The following SRGAP2 variants were observed in gnomAD, a reference collection of about 807,000 sequenced individuals.
The protein encoded by SRGAP2 is SLIT-ROBO Rho GTPase-activating protein 2.
Under a neutral mutation model 57.2 loss-of-function variants are expected in SRGAP2, and 15 were observed. That is an observed-to-expected ratio of 0.26 (90% confidence interval 0.18 to 0.40). SRGAP2 has a LOEUF of 0.40. Among genes scored for constraint, SRGAP2 ranks in the 10% least tolerant of loss-of-function variants. The pLI, the probability that SRGAP2 is intolerant of heterozygous loss-of-function variation, is 1.00. For synonymous variants in SRGAP2, 249 were observed against 248.0 expected (o/e 1.00, Z -0.04); for missense variants, 520 against 669.6 (o/e 0.78, Z 2.47).
chr1:206,386,704 C>T (rs1224910792), intron 5 of SRGAP2, among the ~76,000 whole-genome samples: 1 of 138,210 alleles, frequency 7.2e-6, no homozygotes, highest in Admixed American at 7.3e-5. Flanking sequence ...GAGGCTGAGG[C>T]AGGAGAATGG....
At chr1:206,295,219 CT>C (rs1220839715) in intron 2 of SRGAP2, among the ~76,000 whole-genome samples, 5 of 148,792 alleles carry the variant, frequency 3.4e-5, no homozygotes, top group Middle Eastern at 3.2e-3. Context: ...CAAATTTATT[CT>C]TTTTTTTTAT....
intron 18 of SRGAP2, among the ~76,000 whole-genome samples, chr1:206,450,147 C>G (rs1663138447): frequency 1.3e-5 from 2 of 152,210 alleles, no homozygotes; most frequent in Admixed American, 1.3e-4. Context: ...AAGGGCTTCC[C>G]TTTGTCTTGA....
At chr1:206,459,076 C>T in intron 22 of SRGAP2, 129 bp downstream of exon 22, 2 of 612,814 alleles carry the variant, frequency 3.3e-6, no homozygotes, top group South Asian at 2.0e-5. Flanking sequence ...AGTATATGTC[C>T]ACTCTGGACA....
chr1:206,378,532 T>C (rs1655418833), intron 4 of SRGAP2, among the ~76,000 whole-genome samples: 1 of 152,210 alleles, frequency 6.6e-6, no homozygotes, highest in South Asian at 2.1e-4. Context: ...ATAGGAAATA[T>C]CATAGTGGAC....
At chr1:206,337,968 A>T (rs1219353602) in intron 3 of SRGAP2, among the ~76,000 whole-genome samples, 1 of 152,198 alleles carries the variant, frequency 6.6e-6, no homozygotes, top group Non-Finnish European at 1.5e-5. Context: ...GTCCAAGGTG[A>T]GGGAGAAAAG....
intron 11 of SRGAP2, among the ~76,000 whole-genome samples, chr1:206,418,225 G>A (rs1259885328): frequency 2.0e-5 from 3 of 152,178 alleles, no homozygotes; most frequent in African/African-American, 4.8e-5. Flanking sequence ...TGATGTGTAT[G>A]AATATTCCAG....
chr1:206,327,818 T>C (rs1265247979), intron 3 of SRGAP2, among the ~76,000 whole-genome samples: 1 of 117,586 alleles, frequency 8.5e-6, no homozygotes, highest in Non-Finnish European at 1.6e-5. Flanking sequence ...TTTTTTTTTT[T>C]TTTAATACTT....
Position 206,436,951 on chromosome 1 carries a change from C to T in SRGAP2, c.1556-14C>T, listed in dbSNP as rs769409353. The stretch of plus-strand genomic sequence containing the variant: ...CTTTTTCTTCTTCTTGATCACTTTT[C>T]TGTGTATTTCCAGGACTACAGCATG... On this transcript the variant is annotated splice_polypyrimidine_tract_variant and intron_variant, in intron 14 of 22. Transcript: ENST00000573034. 1.3e-6 allele frequency: 1 copy of T among 780,702 alleles called. No homozygotes were observed. The highest frequency in any genetic ancestry group is 2.4e-6 in the Non-Finnish European group (1 of 417,842). 48.4% of individuals were successfully genotyped at this position (780,702 alleles called of 1,614,324 possible). A position where few individuals can be genotyped will look rare whatever the true frequency, so the allele number is the denominator to read the frequency against.
At chr1:206,245,209 G>C (rs61815484) in intron 2 of SRGAP2, among the ~76,000 whole-genome samples, 48,464 of 131,352 alleles carry the variant, frequency 0.37, 9,370 homozygotes, top group East Asian at 0.68. Context: ...TTTCCTACTA[G>C]GAACTTCTGT....
At position 206,237,299 on chromosome 1, in the gene SRGAP2, A is replaced by G. The variant is rs200534095; in HGVS notation, c.67+31262A>G. 3.0e-4 allele frequency among the ~76,000 whole-genome samples: 45 copies of G among 151,510 alleles called. No homozygotes were observed. In the East Asian group the frequency reaches 3.9e-3, roughly 13 times the overall value. ...AGTGAGACCCTGTCTCAGAGGGGGG[A>G]AAAAAAAGTGAATGTACACGTATTC... On this transcript the variant is annotated intron_variant, in intron 2 of 22. Coordinates refer to ENST00000573034, the MANE Select transcript of SRGAP2 (RefSeq NM_015326.5).
At chr1:206,427,976 C>T (rs11120040) in intron 13 of SRGAP2, among the ~76,000 whole-genome samples, 31,348 of 152,014 alleles carry the variant, frequency 0.21, 4,196 homozygotes, top group East Asian at 0.62. Context: ...GGTCTGGGTA[C>T]CTGTAGTTCC....
At chr1:206,311,359 T>C (rs1672629293) in intron 3 of SRGAP2, among the ~76,000 whole-genome samples, 1 of 152,150 alleles carries the variant, frequency 6.6e-6, no homozygotes. Context: ...AAGAGAGATT[T>C]CTTCTGATTG....
intron 3 of SRGAP2, among the ~76,000 whole-genome samples, chr1:206,306,330 T>C (rs1420967748): frequency 6.6e-6 from 1 of 152,104 alleles, no homozygotes; most frequent in African/African-American, 2.4e-5. Flanking sequence ...GGAGTGAAGC[T>C]GCAGACCTTC....
In SRGAP2 at chr1:206,364,137, G is replaced by T. The variant is rs202234677; in HGVS notation, c.424-19877G>T. ...CCCTGATCTAAGGCAGTGAGAGGAG[G>T]AGTAGAGAAGACAGAAGAGCCATTT... On this transcript the variant is annotated intron_variant, in intron 4 of 22. Coordinates refer to ENST00000573034, the MANE Select transcript of SRGAP2 (RefSeq NM_015326.5). 9.4e-5 allele frequency among the ~76,000 whole-genome samples: 14 copies of T among 148,300 alleles called. No individual in the cohort carries two copies. In the East Asian group the frequency reaches 2.8e-3, roughly 29 times the overall value.
At position 206,454,314 on chromosome 1, in the gene SRGAP2, T is replaced by A; in HGVS notation, c.2361-564T>A. ...CACAGGATCAAGAGAAGATGAATTG[T>A]GGGGGAGAAGGGGCTTTCTTTGTCA... On this transcript the variant is annotated intron_variant, in intron 20 of 22. Transcript: ENST00000573034. The surrounding 1 kb of genome is among the most constrained non-coding windows in gnomAD (Gnocchi z 4.3). The A allele has an allele frequency of 1.5e-6, 1 of 645,968 alleles. No homozygotes were observed. The allele number at this position is 645,968 out of a possible 1,614,324, so 40.0% of individuals were successfully genotyped here. A position where few individuals can be genotyped will look rare whatever the true frequency, so the allele number is the denominator to read the frequency against.
At chr1:206,446,394 A>G in intron 18 of SRGAP2, 95 bp downstream of exon 18, 2 of 731,258 alleles carry the variant, frequency 2.7e-6, no homozygotes, top group Non-Finnish European at 5.0e-6. Flanking sequence ...GGAAACACCC[A>G]GATCCTCCCA....
Position 206,462,396 on chromosome 1 carries a change from C to T in SRGAP2, c.*976C>T, listed in dbSNP as rs1553381235. 6.6e-6 allele frequency: 1 copy of T among 152,576 alleles called. No homozygotes were observed. The highest frequency in any genetic ancestry group is 1.5e-5 in the Non-Finnish European group (1 of 68,026). The allele number at this position is 152,576 out of a possible 1,614,324, so 9.5% of individuals were successfully genotyped here. The stretch of plus-strand genomic sequence containing the variant: ...GAGTCTTAAGAGAGTTTTATTGTGT[C>T]TATGGCAGGTTTGGGAAAGGTAAGA... On this transcript the variant is annotated 3_prime_UTR_variant, in exon 23 of 23. Coordinates refer to ENST00000573034, the MANE Select transcript of SRGAP2 (RefSeq NM_015326.5).
chr1:206,237,305 A>T (rs1422793945), intron 2 of SRGAP2, among the ~76,000 whole-genome samples: 1 of 152,168 alleles, frequency 6.6e-6, no homozygotes, highest in Non-Finnish European at 1.5e-5. Flanking sequence ...GGGGAAAAAA[A>T]AGTGAATGTA....
intron 4 of SRGAP2, among the ~76,000 whole-genome samples, chr1:206,366,485 A>G (rs1234780424): frequency 6.6e-6 from 1 of 151,926 alleles, no homozygotes; most frequent in Non-Finnish European, 1.5e-5. Context: ...GACACAGCTC[A>G]ATTGTCCCCA....
Sources: allele counts gnomAD v4.1 joint callset (sites outside exome capture counted in the v4.1 genomes callset), GRCh38; gene constraint gnomAD v4.1.1; non-coding constraint Gnocchi (gnomAD v3.1); transcripts MANE v1.5; gene names NCBI Gene and HGNC (gene_info 2026-07-23, HGNC 2026-07-21).